PDE4B: variants seen among roughly 807,000 people sequenced by gnomAD.
PDE4B encodes the protein 3',5'-cyclic-AMP phosphodiesterase 4B.
A neutral mutation model predicts 82.2 loss-of-function variants in PDE4B; 20 were observed. The ratio of observed to expected loss-of-function variants is 0.24; its 90% confidence interval spans 0.17 to 0.35. The LOEUF (loss-of-function observed/expected upper bound fraction) is 0.35. PDE4B is among the 10% of genes least tolerant of loss of function. The pLI, the probability that PDE4B is intolerant of heterozygous loss-of-function variation, is 1.00. For synonymous variants in PDE4B, 320 were observed against 318.9 expected (o/e 1.00, Z -0.04); for missense variants, 655 against 907.2 (o/e 0.72, Z 3.57).
chr1:65,990,910 T>C (rs904008760), intron 3 of PDE4B, among the ~76,000 whole-genome samples: 1 of 152,168 alleles, frequency 6.6e-6, no homozygotes, highest in African/African-American at 2.4e-5. Flanking sequence ...TGTTCTGCTT[T>C]CCAGAGTAGT....
At chr1:66,153,152 A>G (rs1449245836) in intron 3 of PDE4B, among the ~76,000 whole-genome samples, 1 of 152,128 alleles carries the variant, frequency 6.6e-6, no homozygotes, top group Non-Finnish European at 1.5e-5. Flanking sequence ...GCCCCACACC[A>G]GATTGCAAAG....
chr1:66,082,740 T>C (rs1237151136), intron 3 of PDE4B, among the ~76,000 whole-genome samples: 1 of 152,026 alleles, frequency 6.6e-6, no homozygotes, highest in Non-Finnish European at 1.5e-5. Context: ...ATTTATCCAT[T>C]TGATTTGTTT....
At chr1:65,875,984 T>G (rs983912992) in intron 1 of PDE4B, among the ~76,000 whole-genome samples, 2 of 152,020 alleles carry the variant, frequency 1.3e-5, no homozygotes, top group Non-Finnish European at 2.9e-5. Context: ...AAAGAAAGAT[T>G]TTTTTCTTCA....
intron 1 of PDE4B, among the ~76,000 whole-genome samples, chr1:65,900,571 T>C (rs980760231): frequency 6.6e-6 from 1 of 152,136 alleles, no homozygotes; most frequent in Non-Finnish European, 1.5e-5. Context: ...ATGATAGTGG[T>C]TTCTCAAATC....
intron 3 of PDE4B, chr1:65,992,792 G>A (rs1569908415): frequency 2.1e-6 from 3 of 1,431,512 alleles, no homozygotes; most frequent in Admixed American, 5.8e-5. Context: ...TCACAGCTTC[G>A]TAAATTAAAC....
chr1:66,261,607 G>T (rs1416849857), intron 6 of PDE4B, among the ~76,000 whole-genome samples: 3 of 152,204 alleles, frequency 2.0e-5, no homozygotes, highest in Non-Finnish European at 2.9e-5. Flanking sequence ...CTTCTCATAA[G>T]TCAAGATTTC....
At chr1:66,329,488 G>C (rs1448188321) in intron 7 of PDE4B, among the ~76,000 whole-genome samples, 1 of 152,120 alleles carries the variant, frequency 6.6e-6, no homozygotes, top group Non-Finnish European at 1.5e-5. Flanking sequence ...CTTTCATTTT[G>C]TACTGGGCCT....
At chr1:66,285,390 T>C (rs557915763) in intron 7 of PDE4B, among the ~76,000 whole-genome samples, 2 of 152,298 alleles carry the variant, frequency 1.3e-5, no homozygotes, top group African/African-American at 4.8e-5. Flanking sequence ...GCAGGCTTCT[T>C]ACATGAATAT....
intron 3 of PDE4B, among the ~76,000 whole-genome samples, chr1:66,090,538 G>A (rs1644990895): frequency 6.7e-6 from 1 of 149,980 alleles, no homozygotes; most frequent in African/African-American, 2.5e-5. Flanking sequence ...TGTTATCATA[G>A]TCAAATTACT....
intron 3 of PDE4B, among the ~76,000 whole-genome samples, chr1:66,117,163 A>G (rs141825000): frequency 6.6e-6 from 1 of 152,212 alleles, no homozygotes; most frequent in Non-Finnish European, 1.5e-5. Context: ...GGACTGCAGC[A>G]TAGGTAAGTA....
intron 3 of PDE4B, among the ~76,000 whole-genome samples, chr1:65,996,485 A>C (rs1286749554): frequency 2.6e-5 from 4 of 152,132 alleles, no homozygotes; most frequent in African/African-American, 9.7e-5. Context: ...GCTGTGAGCA[A>C]GAAGAGAAAA....
intron 3 of PDE4B, among the ~76,000 whole-genome samples, chr1:66,007,833 G>A (rs1017899376): frequency 2.6e-5 from 4 of 152,164 alleles, no homozygotes; most frequent in African/African-American, 9.7e-5. Flanking sequence ...TCCATTTGCA[G>A]ATGAGAAAGT....
chr1:66,069,222 T>A (rs984379041), intron 3 of PDE4B, among the ~76,000 whole-genome samples: 1 of 152,034 alleles, frequency 6.6e-6, no homozygotes, highest in African/African-American at 2.4e-5. Context: ...ACTTTTCCAA[T>A]CATGTTCCCA....
chr1:66,372,458 T>C lies in PDE4B; in HGVS notation c.1991T>C (p.Leu664Pro). The change falls in exon 17 of 17, where the codon CTG (leucine) becomes CCG (proline). Residue 664 changes from leucine to proline, a missense_variant. This residue lies in a region of PDE4B where 119 missense variants were observed against 115.2 expected (regional missense o/e 1.03). Transcript: ENST00000341517. ...SMIPQSPSPP[L>P]DEQNRDCQGL... ...ATACCTCAAAGTCCCTCACCACCAC[T>C]GGACGAGCAGAACAGGGACTGCCAG... is the stretch of plus-strand genomic sequence containing the variant. 6.2e-7 allele frequency: 1 copy of C among 1,614,140 alleles called. No homozygotes were observed.
At position 66,266,052 on chromosome 1, in the gene PDE4B, C is replaced by T. The variant is rs543851164; in HGVS notation, c.599C>T (p.Ala200Val). The T allele has an allele frequency of 6.2e-7, 1 of 1,613,390 alleles. No homozygotes were observed. The highest frequency in any genetic ancestry group is 1.1e-5 in the South Asian group (1 of 91,070). The change falls in exon 7 of 17, where the codon GCT becomes GTT. Residue 200 changes from alanine to valine, a missense_variant. Ala to Val is a moderately conservative substitution (Grantham distance 64, BLOSUM62 0). This residue lies in a region of PDE4B where 253 missense variants were observed against 275.6 expected (regional missense o/e 0.92). Coordinates refer to ENST00000341517, the MANE Select transcript of PDE4B (RefSeq NM_002600.4). ...TGTCTCCACAGGAGGTCCCCAGCTG[C>T]TAGTCAGCCTCCTGTCTCCAGAGTC... ...HGTSNKRSPA[A>V]SQPPVSRVNP... is the part of the protein sequence containing the mutation.
chr1:66,275,262 G>A (rs1655795807), intron 7 of PDE4B, among the ~76,000 whole-genome samples: 2 of 152,184 alleles, frequency 1.3e-5, no homozygotes, highest in Admixed American at 1.3e-4. Flanking sequence ...CATCAAAGTT[G>A]TATTGAAATA....
chr1:65,844,665 A>C (rs1414736312), intron 1 of PDE4B, among the ~76,000 whole-genome samples: 2 of 152,192 alleles, frequency 1.3e-5, no homozygotes, highest in Non-Finnish European at 2.9e-5. Flanking sequence ...CAAAACCAAA[A>C]AGGCTGCTGT....
At chr1:65,859,221 A>G (rs1417659817) in intron 1 of PDE4B, among the ~76,000 whole-genome samples, 2 of 152,122 alleles carry the variant, frequency 1.3e-5, no homozygotes, top group Non-Finnish European at 2.9e-5. Flanking sequence ...AATAATTGAT[A>G]TAAGATATTC....
At chr1:65,881,393 T>A (rs1470130454) in intron 1 of PDE4B, among the ~76,000 whole-genome samples, 11 of 152,290 alleles carry the variant, frequency 7.2e-5, no homozygotes, top group Non-Finnish European at 1.5e-5. Flanking sequence ...ATTGTGACTG[T>A]TGTTGAGACT....
Sources: gnomAD v4.1 joint callset for allele counts (sites outside exome capture counted in the v4.1 genomes callset) on GRCh38, gnomAD v4.1.1 for gene constraint, gnomAD v4.1.1 regional missense constraint, MANE v1.5 for transcripts, NCBI Gene and HGNC (gene_info 2026-07-23, HGNC 2026-07-21) for gene names.